Variants in FAM3D observed in about 807,000 individuals in gnomAD.
FAM3D encodes the protein protein FAM3D.
In FAM3D, 26 loss-of-function variants were observed where a neutral mutation model predicts 29.8. That is an observed-to-expected ratio of 0.87 (90% CI 0.64 to 1.21). The LOEUF (loss-of-function observed/expected upper bound fraction) is 1.21. Ranked by LOEUF, FAM3D falls within the 50% of genes most tolerant of loss-of-function variation. The pLI is 0.00. For missense variants in FAM3D, 253 were observed against 290.9 expected (o/e 0.87, Z 0.95); for synonymous variants, 115 against 102.3 (o/e 1.12, Z -0.75).
At chr3:58,645,466 T>TAAAAC in intron 5 of FAM3D, 43 bp downstream of exon 5, 1 of 1,407,546 alleles carries the variant, frequency 7.1e-7, no homozygotes, top group Non-Finnish European at 9.5e-7. Flanking sequence ...TGAAATAAAA[T>TAAAAC]AAAATAAAAT....
intron 4 of FAM3D, 36 bp downstream of exon 4, chr3:58,649,270 GAGTGGATGA>G: frequency 6.2e-7 from 1 of 1,605,592 alleles, no homozygotes; most frequent in Non-Finnish European, 8.5e-7. Flanking sequence ...AGCAGGGGGT[GAGTGGATGA>G]GGTCGGGGGA....
chr3:58,660,787 T>C (rs1353667601), intron 1 of FAM3D, among the ~76,000 whole-genome samples: 4 of 152,174 alleles, frequency 2.6e-5, no homozygotes, highest in African/African-American at 9.7e-5. Flanking sequence ...AAACGCCACA[T>C]GCCAGATACT....
Position 58,634,216 on chromosome 3 carries a change from T to C in FAM3D, c.*63A>G, listed in dbSNP as rs1035166344. ...TCCTCCTCCTCAGCCCCTGCCGGGC[T>C]CTGACTCCTAAGTCAGGCAGGAGCT... On this transcript the variant is annotated 3_prime_UTR_variant, in exon 10 of 10. Coordinates refer to ENST00000358781, the MANE Select transcript of FAM3D (RefSeq NM_138805.3). This position sits in a 1 kb window ranked among gnomAD's most constrained non-coding sequence, Gnocchi z 4.6. 5 of 1,508,498 alleles carry C rather than the reference T, an allele frequency of 3.3e-6. No individual in the cohort carries two copies. The highest frequency in any genetic ancestry group is 4.6e-6 in the Non-Finnish European group (5 of 1,095,868). The allele number at this position is 1,508,498 out of a possible 1,614,324, so 93.4% of individuals were successfully genotyped here. A position where few individuals can be genotyped will look rare whatever the true frequency, so the allele number is the denominator to read the frequency against.
At position 58,634,107 on chromosome 3, in the gene FAM3D, C is replaced by A; in HGVS notation, c.*172G>T. The A allele has an allele frequency of 1.7e-6, 1 of 587,658 alleles. No homozygotes were observed. The allele number at this position is 587,658 out of a possible 1,614,324, so 36.4% of individuals were successfully genotyped here. A position where few individuals can be genotyped will look rare whatever the true frequency, so the allele number is the denominator to read the frequency against. On this transcript the variant is annotated 3_prime_UTR_variant, in exon 10 of 10. Coordinates refer to ENST00000358781, the MANE Select transcript of FAM3D (RefSeq NM_138805.3). The surrounding 1 kb of genome is among the most constrained non-coding windows in gnomAD (Gnocchi z 4.6). ...AGGCTGGTCTTCCGGGTAGGATGTG[C>A]TGTGGGAGGGTTCTGTTTCCGAGGA...
rs1454771712 is a variant in FAM3D, at chr3:58,640,174, G to C, written c.326C>G (p.Thr109Ser). 1 of 1,614,188 alleles carries C rather than the reference G, an allele frequency of 6.2e-7. No homozygotes were observed. The highest frequency in any genetic ancestry group is 1.7e-5 in the Admixed American group (1 of 60,018). Residue 109 changes from threonine to serine, a missense_variant, in exon 7 of 10, where the codon ACC (threonine) becomes AGC (serine). Thr to Ser is a moderately conservative substitution (Grantham distance 58, BLOSUM62 1). Coordinates refer to ENST00000358781, the MANE Select transcript of FAM3D (RefSeq NM_138805.3). ...CTTCTGTCCCAGCACAGCTCCCGTGGTTCCTAGGGGTTAAGAGGAGAACGA... is the reference window on the plus strand; with the variant it reads ...CTTCTGTCCCAGCACAGCTCCCGTGCTTCCTAGGGGTTAAGAGGAGAACGA... ...RGLNIALVNG[T>S]TGAVLGQKAF...
chr3:58,653,564 C>T (rs1367211603), intron 3 of FAM3D, 110 bp downstream of exon 3: 6 of 1,048,284 alleles, frequency 5.7e-6, no homozygotes, highest in African/African-American at 1.6e-5. Flanking sequence ...GTCCCAAAGG[C>T]AGCACAGCTT....
At chr3:58,642,285 G>A (rs527548336) in intron 6 of FAM3D, among the ~76,000 whole-genome samples, 10 of 152,302 alleles carry the variant, frequency 6.6e-5, no homozygotes, top group African/African-American at 2.4e-4. Flanking sequence ...TCCAGGCCTC[G>A]ACTTCTCCCC....
intron 6 of FAM3D, among the ~76,000 whole-genome samples, 195 bp from the exon 7 acceptor site, chr3:58,640,372 G>C (rs192545156): frequency 6.6e-6 from 1 of 152,346 alleles, no homozygotes; most frequent in East Asian, 1.9e-4. Context: ...GTTCAAGAAC[G>C]TAATGGCTGA....
intron 6 of FAM3D, among the ~76,000 whole-genome samples, chr3:58,640,713 T>A (rs1178877373): frequency 2.0e-5 from 3 of 152,232 alleles, no homozygotes; most frequent in Non-Finnish European, 2.9e-5. Context: ...ATTGCGTTTG[T>A]GGGTTTTGTG....
chr3:58,638,230 G>T (rs554667436), intron 7 of FAM3D, among the ~76,000 whole-genome samples: 11 of 152,280 alleles, frequency 7.2e-5, no homozygotes, highest in African/African-American at 2.6e-4. Context: ...CATAACAAGT[G>T]ATAATAGCTT....
chr3:58,657,979 G>A (rs1208237395), intron 1 of FAM3D, among the ~76,000 whole-genome samples: 2 of 152,208 alleles, frequency 1.3e-5, no homozygotes, highest in Non-Finnish European at 2.9e-5. Context: ...GCCTAGCATG[G>A]CTAAGTCCGC....
Position 58,649,310 on chromosome 3 carries a change from C to T in FAM3D, c.145+5G>A, listed in dbSNP as rs771794758. On this transcript the variant is annotated splice_donor_5th_base_variant and intron_variant, in intron 4 of 9. Coordinates refer to ENST00000358781, the MANE Select transcript of FAM3D (RefSeq NM_138805.3). ...GGGGAGGTGTGGGGCTGCACAGATACTCACGGATCTCCTTGGTGGGCGAGG... is the reference window on the plus strand; with the variant it reads ...GGGGAGGTGTGGGGCTGCACAGATATTCACGGATCTCCTTGGTGGGCGAGG... The T allele has an allele frequency of 6.2e-7, 1 of 1,613,564 alleles. No homozygotes were observed. The highest frequency in any genetic ancestry group is 2.2e-5 in the East Asian group (1 of 44,846).
intron 1 of FAM3D, among the ~76,000 whole-genome samples, chr3:58,663,074 T>G (rs904675314): frequency 1.3e-5 from 2 of 152,220 alleles, no homozygotes; most frequent in Non-Finnish European, 2.9e-5. Flanking sequence ...AATTATTGTA[T>G]TTTTAGTAGA....
chr3:58,643,322 C>T (rs565964897), intron 6 of FAM3D, among the ~76,000 whole-genome samples: 2 of 152,374 alleles, frequency 1.3e-5, no homozygotes, highest in African/African-American at 4.8e-5. Context: ...AGCATGTGAT[C>T]TTGCACTGTC....
At chr3:58,649,463 TA>T in intron 3 of FAM3D, 125 bp from the exon 4 acceptor site, 1 of 1,118,230 alleles carries the variant, frequency 8.9e-7, no homozygotes, top group Non-Finnish European at 1.3e-6. Context: ...TGAAATGAAC[TA>T]AAAATGCCTT....
At chr3:58,638,729 C>T (rs916080089) in intron 7 of FAM3D, among the ~76,000 whole-genome samples, 13 of 152,172 alleles carry the variant, frequency 8.5e-5, no homozygotes, top group African/African-American at 2.7e-4. Flanking sequence ...TATTCCAGTG[C>T]GGACCTCTAG....
intron 1 of FAM3D, among the ~76,000 whole-genome samples, chr3:58,658,925 G>C (rs1308276627): frequency 3.3e-5 from 5 of 152,192 alleles, no homozygotes; most frequent in African/African-American, 1.2e-4. Context: ...CAAATACAGG[G>C]GCAGAGCAGC....
chr3:58,660,943 G>A (rs1162119830), intron 1 of FAM3D, among the ~76,000 whole-genome samples: 1 of 152,190 alleles, frequency 6.6e-6, no homozygotes, highest in Admixed American at 6.5e-5. Flanking sequence ...CAGGCGATAT[G>A]TGTCAGGAGA....
chr3:58,650,954 T>A (rs1284021109), intron 3 of FAM3D, among the ~76,000 whole-genome samples: 1 of 152,146 alleles, frequency 6.6e-6, no homozygotes, highest in Non-Finnish European at 1.5e-5. Flanking sequence ...CCTGACCTCG[T>A]GATCTGCCCG....
Sources: gnomAD v4.1 joint callset for allele counts (sites outside exome capture counted in the v4.1 genomes callset) on GRCh38, gnomAD v4.1.1 for gene constraint, Gnocchi (gnomAD v3.1) non-coding constraint, MANE v1.5 for transcripts, NCBI Gene and HGNC (gene_info 2026-07-23, HGNC 2026-07-21) for gene names.